Variants in BACH1 observed in about 807,000 individuals in gnomAD.
BACH1 encodes the protein BTB domain and CNC homolog 1.
A neutral mutation model predicts 52.9 loss-of-function variants in BACH1; 35 were observed. That is an observed-to-expected ratio of 0.66 (90% CI 0.51 to 0.88). The LOEUF (loss-of-function observed/expected upper bound fraction) is 0.88, where lower values mean the gene tolerates loss of function less well. BACH1 is among the 40% of genes least tolerant of loss of function. The pLI is 0.00. For missense variants in BACH1, 808 were observed against 872.6 expected, an observed-to-expected ratio of 0.93 and a Z score of 0.93; for synonymous variants, 321 against 319.6, an observed-to-expected ratio of 1.00 and a Z score of -0.05.
chr21:29,325,082 T>C (rs1300489568), intron 2 of BACH1, among the ~76,000 whole-genome samples: 1 of 151,990 alleles, frequency 6.6e-6, no homozygotes, highest in Non-Finnish European at 1.5e-5. Flanking sequence ...ACAGAAAAAT[T>C]AGCCGGGCAT....
Position 29,321,290 on chromosome 21 carries a change from A to G in BACH1, c.10A>G (p.Ser4Gly). ...ACATTTGTTATGCAGAATGTCTCTGAGTGAGAACTCGGTTTTTGCCTATGA... is the reference window on the plus strand; with the variant it reads ...ACATTTGTTATGCAGAATGTCTCTGGGTGAGAACTCGGTTTTTGCCTATGA... MSL[S>G]ENSVFAYESS... Residue 4 changes from serine (S) to glycine (G), a missense_variant, in exon 2 of 5, where the codon AGT becomes GGT. Coordinates refer to ENST00000286800, the MANE Select transcript of BACH1 (RefSeq NM_001186.4). 6.2e-7 allele frequency: 1 copy of G among 1,613,662 alleles called. No homozygotes were observed. Among genetic ancestry groups the G allele is most frequent in the Non-Finnish European group, 8.5e-7 (1 of 1,179,538 alleles).
In BACH1 at chr21:29,344,634, TTGTGTGTGTGTGTGTG is replaced by T. The variant is rs10595449; in HGVS notation, c.*1821_*1836del. 2.7e-4 allele frequency: 40 copies of T among 149,316 alleles called. No homozygotes were observed. Among genetic ancestry groups the T allele is most frequent in the African/African-American group, 8.1e-4 (33 of 40,750 alleles). The allele number at this position is 149,316 out of a possible 1,614,324, so 9.2% of individuals were successfully genotyped here. ...AGTGCATCCCATACTGCAAAAGAAT[TTGTGTGTGTGTGTGTG>T]TGTGTGTGTGTGTGTGTGTATGTGT... On this transcript the variant is annotated 3_prime_UTR_variant, in exon 5 of 5. Coordinates refer to ENST00000286800, the MANE Select transcript of BACH1 (RefSeq NM_001186.4).
downstream of BACH1, among the ~76,000 whole-genome samples, chr21:29,351,073 T>C (rs1451122035): frequency 6.6e-6 from 1 of 152,188 alleles, no homozygotes; most frequent in Non-Finnish European, 1.5e-5. Flanking sequence ...ATTGAGCACA[T>C]TACCTTTTCA....
At chr21:29,352,198 G>A (rs2089206635) in intron 2 of BACH1, among the ~76,000 whole-genome samples, 3 of 151,970 alleles carry the variant, frequency 2.0e-5, no homozygotes, top group Admixed American at 1.3e-4. Context: ...AGGATTATAG[G>A]TGTGCACCAC....
intron 4 of BACH1, among the ~76,000 whole-genome samples, chr21:29,337,917 G>A (rs1253046605): frequency 6.6e-6 from 1 of 151,908 alleles, no homozygotes; most frequent in Non-Finnish European, 1.5e-5. Context: ...CTACAAGAGC[G>A]AAACTCCGTC....
At chr21:29,328,989 T>C (rs2088949538) in intron 3 of BACH1, among the ~76,000 whole-genome samples, 1 of 152,180 alleles carries the variant, frequency 6.6e-6, no homozygotes, top group Non-Finnish European at 1.5e-5. Context: ...TCATGGCTAT[T>C]GTGAATAATG....
intron 4 of BACH1, among the ~76,000 whole-genome samples, chr21:29,337,821 C>T (rs1198449853): frequency 2.0e-5 from 3 of 151,944 alleles, no homozygotes; most frequent in South Asian, 2.1e-4. Flanking sequence ...CCCAGCTACT[C>T]GGGAGGCTGA....
intron 4 of BACH1, among the ~76,000 whole-genome samples, chr21:29,338,698 T>C (rs1294565309): frequency 6.6e-6 from 1 of 152,208 alleles, no homozygotes; most frequent in Admixed American, 6.5e-5. Context: ...ATTTTGAATG[T>C]AAAACGTTTA....
chr21:29,315,077 T>A (rs1440324271), intron 1 of BACH1, among the ~76,000 whole-genome samples: 1 of 151,608 alleles, frequency 6.6e-6, no homozygotes, highest in Non-Finnish European at 1.5e-5. Flanking sequence ...AAAAGCCATG[T>A]CTTTAGAATT....
At chr21:29,356,137 G>A (rs979532694) in intron 2 of BACH1, among the ~76,000 whole-genome samples, 1 of 152,204 alleles carries the variant, frequency 6.6e-6, no homozygotes, top group Non-Finnish European at 1.5e-5. Flanking sequence ...TCCGGTTCCT[G>A]TAGCAGTAGC....
rs190586292 is a variant in BACH1, at chr21:29,328,092, G to C, written c.1569+699G>C. Among the ~76,000 whole-genome samples, 318 of 152,334 alleles carry C rather than the reference G, an allele frequency of 2.1e-3. 2 individuals carry two copies. Among genetic ancestry groups the C allele is most frequent in the African/African-American group, 7.1e-3 (296 of 41,578 alleles). On this transcript the variant is annotated intron_variant, in intron 3 of 4. Coordinates refer to ENST00000286800, the MANE Select transcript of BACH1 (RefSeq NM_001186.4). Reference sequence around the variant, plus strand: ...TGCCAACAAGAACCTCTAGACCTGGGACATGTCCCTGAGCAGTGGTTTAAC... The same window carrying C: ...TGCCAACAAGAACCTCTAGACCTGGCACATGTCCCTGAGCAGTGGTTTAAC...
chr21:29,348,323 A>G (rs2089182311), downstream of BACH1, among the ~76,000 whole-genome samples: 1 of 152,168 alleles, frequency 6.6e-6, no homozygotes, highest in Non-Finnish European at 1.5e-5. Context: ...CCACAAAATT[A>G]TCATAGCCTT....
intron 1 of BACH1, among the ~76,000 whole-genome samples, chr21:29,314,583 A>T (rs1041068187): frequency 6.6e-6 from 1 of 152,172 alleles, no homozygotes. Flanking sequence ...CAAAAATTGT[A>T]GTGATTCCCT....
intron 2 of BACH1, among the ~76,000 whole-genome samples, chr21:29,351,971 T>TA (rs2089204807): frequency 6.6e-6 from 1 of 151,882 alleles, no homozygotes; most frequent in South Asian, 2.1e-4. Flanking sequence ...ATGACTCAGT[T>TA]ACAAATCCAA....
Position 29,326,399 on chromosome 21 carries a change from A to G in BACH1, c.575A>G (p.Asn192Ser), listed in dbSNP as rs112330292. 6.2e-7 allele frequency: 1 copy of G among 1,614,110 alleles called. No homozygotes were observed. The highest frequency in any genetic ancestry group is 1.3e-5 in the African/African-American group (1 of 74,944). The change falls in exon 3 of 5, where the codon AAT becomes AGT. Residue 192 changes from asparagine to serine, a missense_variant. Coordinates refer to ENST00000286800, the MANE Select transcript of BACH1 (RefSeq NM_001186.4). ...TGTAAACTCCGCAGGTATCAAGGAAATGCAAAAGCCTCACCTCCTCTACAA... is the reference window on the plus strand; with the variant it reads ...TGTAAACTCCGCAGGTATCAAGGAAGTGCAAAAGCCTCACCTCCTCTACAA... ...PQCKLRRYQGNAKASPPLQDS... is the reference protein window; with the variant it reads ...PQCKLRRYQGSAKASPPLQDS...
At chr21:29,333,634 T>C (rs1407943171) in intron 4 of BACH1, among the ~76,000 whole-genome samples, 1 of 152,230 alleles carries the variant, frequency 6.6e-6, no homozygotes, top group African/African-American at 2.4e-5. Flanking sequence ...GGCTATTGGC[T>C]GTTTGTTTTC....
At chr21:29,350,127 T>C (rs996887277), downstream of BACH1, among the ~76,000 whole-genome samples, 2 of 152,104 alleles carry the variant, frequency 1.3e-5, no homozygotes, top group Admixed American at 6.5e-5. Flanking sequence ...CAGACCAACG[T>C]CACTCCTGTA....
At chr21:29,358,060 G>C (rs1203776627) in intron 2 of BACH1, among the ~76,000 whole-genome samples, 1 of 152,192 alleles carries the variant, frequency 6.6e-6, no homozygotes, top group Non-Finnish European at 1.5e-5. Context: ...CCCTGCTGGA[G>C]TGACTGGAAG....
intron 2 of BACH1, among the ~76,000 whole-genome samples, chr21:29,352,125 G>A (rs1355721005): frequency 6.6e-6 from 1 of 151,076 alleles, no homozygotes; most frequent in Non-Finnish European, 1.5e-5. Flanking sequence ...CGCGATCAGA[G>A]CTCACAGCAA....
Sources: gnomAD v4.1 joint callset for allele counts (sites outside exome capture counted in the v4.1 genomes callset) on GRCh38, gnomAD v4.1.1 for gene constraint, MANE v1.5 for transcripts, NCBI Gene and HGNC (gene_info 2026-07-23, HGNC 2026-07-21) for gene names.